Variants in SP140 observed in about 807,000 individuals in gnomAD.
SP140 encodes the protein nuclear body protein SP140.
SP140 carries 81 observed loss-of-function variants against 125.0 expected under a neutral mutation model. The observed-to-expected ratio is 0.65, with a 90% CI of 0.54 to 0.78. The LOEUF (loss-of-function observed/expected upper bound fraction) is 0.78. Ranked by LOEUF, SP140 falls within the 30% of genes least tolerant of loss-of-function variation. The pLI, the probability that SP140 is intolerant of heterozygous loss-of-function variation, is 0.00. For synonymous variants in SP140, 312 were observed against 354.0 expected, an observed-to-expected ratio of 0.88 and a Z score of 1.33; for missense variants, 858 against 1,037.0, an observed-to-expected ratio of 0.83 and a Z score of 2.37.
the SP140 span, among the ~76,000 whole-genome samples, chr2:230,195,887 T>A: frequency 6.6e-6 from 1 of 152,084 alleles, no homozygotes; most frequent in African/African-American, 2.4e-5. Flanking sequence ...GTTAATATCC[T>A]TATTAGATAA....
chr2:230,187,548 A>C, the SP140 span, among the ~76,000 whole-genome samples: 1 of 152,086 alleles, frequency 6.6e-6, no homozygotes, highest in Non-Finnish European at 1.5e-5. Flanking sequence ...TTGGGGTCTC[A>C]GTCATGAATT....
chr2:230,273,875 C>T (rs573654323), intron 15 of SP140, among the ~76,000 whole-genome samples: 3 of 152,220 alleles, frequency 2.0e-5, no homozygotes, highest in Non-Finnish European at 4.4e-5. Context: ...CATGTTCTCA[C>T]TTATAAGTGG....
At chr2:230,245,110 C>T in intron 6 of SP140, 30 bp downstream of exon 6, 1 of 1,462,762 alleles carries the variant, frequency 6.8e-7, no homozygotes. Flanking sequence ...CCAATTATCT[C>T]ATTAAATTAG....
chr2:230,237,239 C>A lies in SP140; in HGVS notation c.216C>A (p.Phe72Leu), dbSNP rs1559225366. ...TTATGGGCCTCCGAGACCGCTCCTT[C>A]ATCTCCGAGCAGATGTATGAAGTAA... ...PFLMGLRDRS[F>L]ISEQMYEHFQ... The change falls in exon 2 of 27, where the codon TTC becomes TTA. Residue 72 changes from phenylalanine (F) to leucine (L), a missense_variant. Physicochemically the swap from Phe to Leu is conservative, Grantham distance 22. Coordinates refer to ENST00000392045, the MANE Select transcript of SP140 (RefSeq NM_007237.5). The surrounding 1 kb of genome is among the most constrained non-coding windows in gnomAD (Gnocchi z 5.4). 1.2e-6 allele frequency: 2 copies of A among 1,611,914 alleles called. No individual in the cohort carries two copies. Among genetic ancestry groups the A allele is most frequent in the Admixed American group, 3.4e-5 (2 of 59,196 alleles).
intron 12 of SP140, among the ~76,000 whole-genome samples, chr2:230,268,981 C>T (rs1259193646): frequency 6.6e-6 from 1 of 152,204 alleles, no homozygotes; most frequent in African/African-American, 2.4e-5. Context: ...TTGTAAGACA[C>T]AGTCTCTATA....
intron 19 of SP140, among the ~76,000 whole-genome samples, chr2:230,291,386 C>A (rs969211445): frequency 3.9e-5 from 6 of 152,120 alleles, no homozygotes; most frequent in Non-Finnish European, 8.8e-5. Context: ...AATTTTGGAA[C>A]AATTTGTTCC....
the SP140 span, among the ~76,000 whole-genome samples, chr2:230,196,749 G>A: frequency 6.7e-6 from 1 of 148,528 alleles, no homozygotes; most frequent in East Asian, 2.0e-4. Context: ...GTGTCCATGT[G>A]CTCTCATTGT....
chr2:230,292,927 G>C, intron 20 of SP140, 139 bp downstream of exon 20: 1 of 1,287,134 alleles, frequency 7.8e-7, no homozygotes, highest in East Asian at 2.4e-5. Flanking sequence ...CAGGAGAGAG[G>C]GACCCCACAT....
Position 230,251,032 on chromosome 2 carries a change from C to A in SP140, c.1028C>A (p.Ala343Asp). 1 of 1,613,658 alleles carries A rather than the reference C, an allele frequency of 6.2e-7. No homozygotes were observed. Among genetic ancestry groups the A allele is most frequent in the Non-Finnish European group, 8.5e-7 (1 of 1,179,794 alleles). ...EMCDGEEPQE[A>D]SSSLARCGSV... ...TGTGATGGAGAAGAGCCCCAGGAAG[C>A]CTCTAGCTCCCTAGCAAGATGTGGG... The change falls in exon 10 of 27, where the codon GCC becomes GAC. Residue 343 changes from alanine (A) to aspartate (D), a missense_variant. Ala to Asp is a moderately radical substitution (Grantham distance 126, BLOSUM62 -2). This residue lies in a region of SP140 where 791 missense variants were observed against 869.5 expected (regional missense o/e 0.91). Coordinates refer to ENST00000392045, the MANE Select transcript of SP140 (RefSeq NM_007237.5).
chr2:230,224,469 G>A (rs879547887), upstream of SP140, among the ~76,000 whole-genome samples: 14 of 148,994 alleles, frequency 9.4e-5, no homozygotes, highest in Non-Finnish European at 1.8e-4. Context: ...GGGAGGGAGA[G>A]GGAGGGAGAG....
downstream of SP140, among the ~76,000 whole-genome samples, chr2:230,314,953 G>T (rs2059474326): frequency 6.6e-6 from 1 of 152,216 alleles, no homozygotes; most frequent in South Asian, 2.1e-4. Context: ...TAACTGTGAG[G>T]GCAAGATAAA....
chr2:230,204,094 T>TA (rs1390573569), intron 1 of SP140, among the ~76,000 whole-genome samples: 33 of 152,204 alleles, frequency 2.2e-4, no homozygotes, highest in African/African-American at 7.7e-4. Context: ...ACGATTCTTT[T>TA]AAAAAACCTG....
upstream of SP140, chr2:230,202,447 T>C: frequency 3.7e-6 from 3 of 803,086 alleles, no homozygotes; most frequent in Non-Finnish European, 2.0e-6. Flanking sequence ...CCTCTTGTTA[T>C]ACCCCATCCT....
At chr2:230,250,010 G>A (rs1559255665) in intron 9 of SP140, among the ~76,000 whole-genome samples, 1 of 152,196 alleles carries the variant, frequency 6.6e-6, no homozygotes. Context: ...CCATGTGCCT[G>A]AAGATATTTA....
intron 3 of SP140, among the ~76,000 whole-genome samples, chr2:230,217,169 C>T (rs41309080): frequency 3.2e-3 from 447 of 140,124 alleles, no homozygotes; most frequent in Non-Finnish European, 5.5e-3. Flanking sequence ...TTGCTTGAAC[C>T]GGGGAGGTGG....
intron 22 of SP140, among the ~76,000 whole-genome samples, chr2:230,298,173 T>C (rs140651165): frequency 6.6e-6 from 1 of 152,334 alleles, no homozygotes; most frequent in African/African-American, 2.4e-5. Context: ...CATTCTCTGC[T>C]TGCTATATGA....
intron 19 of SP140, 152 bp downstream of exon 19, chr2:230,290,716 G>A: frequency 1.5e-6 from 1 of 668,070 alleles, no homozygotes; most frequent in South Asian, 2.1e-5. Flanking sequence ...GACGTTTACA[G>A]ACTTTAAGAA....
rs550893367 is a variant in SP140 at position 230,245,229 on chromosome 2, G to T, written c.664+149G>T. Reference sequence around the variant, plus strand: ...TTCCCCAGGTGTGTGGGAGGCAAGAGGTAAAGGACGGCTAAGTCCTTTAGT... The same window carrying T: ...TTCCCCAGGTGTGTGGGAGGCAAGATGTAAAGGACGGCTAAGTCCTTTAGT... On this transcript the variant is annotated intron_variant, in intron 6 of 26. Transcript: ENST00000392045. 1.1e-4 allele frequency: 64 copies of T among 580,558 alleles called. No homozygotes were observed. In the South Asian group the frequency reaches 1.2e-3, roughly 11 times the overall value. The allele number at this position is 580,558 out of a possible 1,614,324, so 36.0% of individuals were successfully genotyped here.
At chr2:230,297,966 ATT>A (rs1559356646) in intron 22 of SP140, among the ~76,000 whole-genome samples, 6 of 152,346 alleles carry the variant, frequency 3.9e-5, no homozygotes, top group African/African-American at 1.4e-4. Flanking sequence ...TGATCCTGTC[ATT>A]AGCCCTGTAA....
Sources: allele counts gnomAD v4.1 joint callset (sites outside exome capture counted in the v4.1 genomes callset), GRCh38; gene constraint gnomAD v4.1.1; regional missense constraint gnomAD v4.1.1; non-coding constraint Gnocchi (gnomAD v3.1); transcripts MANE v1.5; gene names NCBI Gene and HGNC (gene_info 2026-07-23, HGNC 2026-07-21).